The following RICTOR variants were observed in gnomAD, a reference collection of about 807,000 sequenced individuals.
RICTOR encodes rapamycin-insensitive companion of mTOR.
RICTOR carries 49 observed loss-of-function variants against 214.9 expected under a neutral mutation model. That is an observed-to-expected ratio of 0.23 (90% CI 0.18 to 0.29). The LOEUF (loss-of-function observed/expected upper bound fraction) is 0.29. Among genes scored for constraint, RICTOR ranks in the 10% least tolerant of loss-of-function variants. The probability of loss-of-function intolerance (pLI) is 1.00; values close to 1 mark genes in which losing one functional copy is unlikely to be tolerated. For synonymous variants in RICTOR, 717 were observed against 711.3 expected (o/e 1.01, Z -0.13); for missense variants, 1,625 against 2,047.0 (o/e 0.79, Z 3.98).
intron 7 of RICTOR, among the ~76,000 whole-genome samples, chr5:38,990,716 A>ATCATATATATC (rs760128991): frequency 8.8e-5 from 2 of 22,658 alleles, no homozygotes; most frequent in East Asian, 1.6e-3. Context: ...TATGATATAT[A>ATCATATATATC]TGATATATAT....
intron 9 of RICTOR, among the ~76,000 whole-genome samples, chr5:38,976,026 A>G (rs1040477807): frequency 6.6e-6 from 1 of 152,246 alleles, no homozygotes; most frequent in Non-Finnish European, 1.5e-5. Context: ...CGTTTCCAAC[A>G]AGCAAGTTCA....
chr5:39,055,355 T>G (rs1758129843), intron 2 of RICTOR, among the ~76,000 whole-genome samples: 1 of 151,884 alleles, frequency 6.6e-6, no homozygotes, highest in South Asian at 2.1e-4. Flanking sequence ...TTTCCTCCCT[T>G]ACATGGTGCC....
At position 38,939,435 on chromosome 5, in the gene RICTOR, T is replaced by G. The variant is rs958537353; in HGVS notation, c.*2869A>C. On this transcript the variant is annotated 3_prime_UTR_variant, in exon 38 of 38. Transcript: ENST00000357387. ...CTACTAATCGTTATTAGAAAAAATT[T>G]AATTAGGGAGAACAGACTGTTTCCC... The G allele has an allele frequency of 1.1e-4, 25 of 232,176 alleles. No individual in the cohort carries two copies. Among genetic ancestry groups the G allele is most frequent in the Admixed American group, 9.6e-4 (17 of 17,740 alleles). The allele number at this position is 232,176 out of a possible 1,614,324, so 14.4% of individuals were successfully genotyped here.
chr5:39,051,099 G>C (rs1411624601), intron 2 of RICTOR, among the ~76,000 whole-genome samples: 1 of 151,320 alleles, frequency 6.6e-6, no homozygotes, highest in Non-Finnish European at 1.5e-5. Context: ...CATATAACCA[G>C]TAATTCCACG....
Position 38,962,939 on chromosome 5 carries a change from T to G in RICTOR, c.1503A>C (p.Ala501=). 1 of 1,613,054 alleles carries G rather than the reference T, an allele frequency of 6.2e-7. No individual in the cohort carries two copies. Among genetic ancestry groups the G allele is most frequent in the Non-Finnish European group, 8.5e-7 (1 of 1,179,130 alleles). ...SLHLDHIIQK[A]IATHQKRDQY... The stretch of plus-strand genomic sequence containing the variant: ...GATCCCGTTTCTGGTGTGTTGCAAT[T>G]GCTTTCTGAATAATGTGGTCTAAAT... The change falls in exon 17 of 38, where the codon GCA becomes GCC. Residue 501 remains alanine, a synonymous_variant. Transcript: ENST00000357387.
At chr5:38,956,470 T>G (rs900853917) in intron 25 of RICTOR, among the ~76,000 whole-genome samples, 1 of 152,100 alleles carries the variant, frequency 6.6e-6, no homozygotes, top group Non-Finnish European at 1.5e-5. Context: ...GAATATGACT[T>G]TCTTCATAAG....
intron 6 of RICTOR, among the ~76,000 whole-genome samples, chr5:38,993,921 G>A (rs1038358919): frequency 3.3e-5 from 5 of 152,146 alleles, no homozygotes; most frequent in Non-Finnish European, 5.9e-5. Context: ...GGTGGCTCAC[G>A]CCTGTAATCC....
At chr5:38,970,159 T>C (rs1428397679) in intron 11 of RICTOR, 4 of 152,184 alleles carry the variant, frequency 2.6e-5, no homozygotes, top group African/African-American at 7.2e-5. Flanking sequence ...TCTAGGTCTG[T>C]GTAAGTACTC....
intron 2 of RICTOR, among the ~76,000 whole-genome samples, chr5:39,036,320 T>C (rs1184743669): frequency 6.6e-6 from 1 of 152,142 alleles, no homozygotes; most frequent in Non-Finnish European, 1.5e-5. Context: ...AAGGAAGCAC[T>C]AAACATGAAA....
At chr5:39,054,166 G>T (rs908899401) in intron 2 of RICTOR, among the ~76,000 whole-genome samples, 2 of 151,916 alleles carry the variant, frequency 1.3e-5, no homozygotes, top group African/African-American at 4.8e-5. Context: ...CAGATTGCCG[G>T]GATCACATTC....
At chr5:38,972,041 C>A in intron 10 of RICTOR, 82 bp from the exon 11 acceptor site, 1 of 619,150 alleles carries the variant, frequency 1.6e-6, no homozygotes, top group South Asian at 2.1e-5. Flanking sequence ...TAAAACTTGT[C>A]ATATTTTTCT....
intron 3 of RICTOR, among the ~76,000 whole-genome samples, chr5:39,016,285 C>A (rs1459564780): frequency 1.4e-5 from 2 of 147,358 alleles, no homozygotes; most frequent in Non-Finnish European, 3.0e-5. Context: ...ACACTGCATA[C>A]TCTACAGTGG....
chr5:39,016,696 T>A (rs990984280), intron 3 of RICTOR, among the ~76,000 whole-genome samples: 5 of 151,938 alleles, frequency 3.3e-5, no homozygotes, highest in Non-Finnish European at 5.9e-5. Context: ...AGGCCAGAGG[T>A]GTTCAACAGA....
chr5:38,966,058 C>T (rs1031785330), intron 15 of RICTOR, among the ~76,000 whole-genome samples: 7 of 151,980 alleles, frequency 4.6e-5, no homozygotes, highest in Non-Finnish European at 1.0e-4. Context: ...TTTCCTAGCT[C>T]CTACTTTCCA....
intron 7 of RICTOR, among the ~76,000 whole-genome samples, chr5:38,989,415 G>A (rs1752423520): frequency 6.6e-6 from 1 of 152,104 alleles, no homozygotes; most frequent in African/African-American, 2.4e-5. Context: ...AGAAAACCTA[G>A]GCAATATCAC....
chr5:38,958,767 T>C lies in RICTOR; in HGVS notation c.2243A>G (p.Asn748Ser), dbSNP rs1443076418. Residue 748 changes from asparagine to serine, a missense_variant, in exon 23 of 38, where the codon AAT becomes AGT. By Grantham distance (46) the Asn-to-Ser change is conservative. This residue lies in a region of RICTOR where 1,214 missense variants were observed against 1,470.5 expected (regional missense o/e 0.83). Transcript: ENST00000357387. ...CACTAACAACTCAATTCCCCAATTA[T>C]TAAAGAATTCAACATTAGCTCTCAA... ...VLLRANVEFF[N>S]NWGIELLVTQ... is the part of the protein sequence containing the mutation. 1.2e-6 allele frequency: 2 copies of C among 1,611,288 alleles called. No individual in the cohort carries two copies. The highest frequency in any genetic ancestry group is 1.3e-5 in the African/African-American group (1 of 74,926).
In RICTOR at chr5:38,987,673, C is replaced by T. The variant is rs968895628; in HGVS notation, c.583+3276G>A. ...CAAAAAACCAGCTCCTGGATTCATT[C>T]GTTTTTTTTGAAGGGTTTTTCGTGT... On this transcript the variant is annotated intron_variant, in intron 7 of 37. Transcript: ENST00000357387. Among the ~76,000 whole-genome samples, 10 of 151,758 alleles carry T rather than the reference C, an allele frequency of 6.6e-5. No homozygotes were observed. In the South Asian group the frequency reaches 1.0e-3, roughly 16 times the overall value.
chr5:39,015,834 T>C (rs1171033756), intron 3 of RICTOR, among the ~76,000 whole-genome samples: 1 of 152,114 alleles, frequency 6.6e-6, no homozygotes, highest in Admixed American at 6.6e-5. Context: ...GCACATATTA[T>C]GTGTCAGGCA....
At chr5:38,954,718 AT>A in intron 27 of RICTOR, 55 bp downstream of exon 27, 1 of 1,074,330 alleles carries the variant, frequency 9.3e-7, no homozygotes, top group South Asian at 1.3e-5. Flanking sequence ...CAATGTTAAG[AT>A]TTTGTTTTTT....
Sources: allele counts gnomAD v4.1 joint callset (sites outside exome capture counted in the v4.1 genomes callset), GRCh38; gene constraint gnomAD v4.1.1; regional missense constraint gnomAD v4.1.1; transcripts MANE v1.5; gene names NCBI Gene and HGNC (gene_info 2026-07-23, HGNC 2026-07-21).